RSRP1: variants seen among roughly 807,000 people sequenced by gnomAD.
The protein encoded by RSRP1 is arginine and serine rich protein 1, also known as arginine/serine-rich protein 1.
A neutral mutation model predicts 33.0 loss-of-function variants in RSRP1; 37 were observed. That is an observed-to-expected ratio of 1.12 (90% CI 0.86 to 1.48). RSRP1 has a LOEUF of 1.48. Among genes scored for constraint, RSRP1 ranks in the 40% most tolerant of loss-of-function variants. The pLI, the probability that RSRP1 is intolerant of heterozygous loss-of-function variation, is 0.00. For missense variants in RSRP1, 402 were observed against 385.3 expected (o/e 1.04, Z -0.36); for synonymous variants, 167 against 158.7 (o/e 1.05, Z -0.40).
rs1303737799 is a variant in RSRP1 at position 25,245,302 on chromosome 1, C to T, written c.521-1G>A. 5.0e-6 allele frequency: 8 copies of T among 1,591,096 alleles called. No individual in the cohort carries two copies. In the Admixed American group the frequency reaches 1.5e-4, roughly 29 times the overall value. On this transcript the variant is annotated splice_acceptor_variant, in intron 2 of 4. Coordinates refer to ENST00000243189, the MANE Select transcript of RSRP1 (RefSeq NM_020317.5). LOFTEE classifies it high-confidence loss of function. ...GCTATTTCTAACAGCTCCATTCGATCTAAAAAAAAAAGAGAGAGATTTTAA... is the reference window on the plus strand; with the variant it reads ...GCTATTTCTAACAGCTCCATTCGATTTAAAAAAAAAAGAGAGAGATTTTAA...
Position 25,297,069 on chromosome 1 carries a change from T to C in RSRP1, c.-67+40909A>G, listed in dbSNP as rs601198. Among the ~76,000 whole-genome samples, 14 of 129,470 alleles carry C rather than the reference T, an allele frequency of 1.1e-4. 1 individual carries two copies. The East Asian group carries it at 1.2e-3, about 11-fold the overall frequency. The allele number at this position is 129,470 out of a possible 152,430, so 84.9% of individuals were successfully genotyped here. Reference sequence around the variant, plus strand: ...ATAATATCTTTTCTAGAAAAAAATATATATTTTTTGTGGTCGAGGATTACA... The same window carrying C: ...ATAATATCTTTTCTAGAAAAAAATACATATTTTTTGTGGTCGAGGATTACA... On this transcript the variant is annotated intron_variant, in intron 1 of 1. Coordinates refer to the RSRP1 transcript ENST00000561867.
chr1:25,255,902 T>A (rs555796754), intron 1 of RSRP1, among the ~76,000 whole-genome samples: 1 of 152,084 alleles, frequency 6.6e-6, no homozygotes, highest in Non-Finnish European at 1.5e-5. Flanking sequence ...GGAGTGGCTG[T>A]GAATACAGAT....
chr1:25,272,642 C>T lies in RSRP1; in HGVS notation c.-66-25613G>A, dbSNP rs764093565. ...CTCATTCTCCTCTTCTATTTTTTTA[C>T]CCACTATGACGCTTCCTTAGAGGAT... On this transcript the variant is annotated intron_variant, in intron 1 of 1. Coordinates refer to the RSRP1 transcript ENST00000561867. 4 of 1,571,020 alleles carry T rather than the reference C, an allele frequency of 2.5e-6. No individual in the cohort carries two copies. The African/African-American group carries it at 4.1e-5, about 16-fold the overall frequency.
intron 1 of RSRP1, among the ~76,000 whole-genome samples, chr1:25,261,594 C>T (rs1449572021): frequency 4.0e-5 from 6 of 151,386 alleles, no homozygotes; most frequent in Non-Finnish European, 7.4e-5. Flanking sequence ...TTAGTAGAGA[C>T]GGGGTTTCAC....
rs1640822987 is a variant in RSRP1 at position 25,274,962 on chromosome 1, C to T, written c.-66-27933G>A. Among the ~76,000 whole-genome samples the T allele has an allele frequency of 1.5e-5, 2 of 131,312 alleles. 1 individual carries two copies. The highest frequency in any genetic ancestry group is 5.2e-5 in the African/African-American group (2 of 38,588). 86.1% of individuals were successfully genotyped at this position (131,312 alleles called of 152,430 possible). ...GACTTCATCTCAAAAAACCAAACAA[C>T]AAAAACAACAACAAGAACAACAAAA... On this transcript the variant is annotated intron_variant, in intron 1 of 1. Coordinates refer to the RSRP1 transcript ENST00000561867.
intron 1 of RSRP1, among the ~76,000 whole-genome samples, chr1:25,308,390 G>C (rs1433583060): frequency 8.6e-6 from 1 of 116,794 alleles, no homozygotes; most frequent in Non-Finnish European, 2.0e-5. Flanking sequence ...GGACCTATCA[G>C]TCCATGTTTG....
At chr1:25,258,449 A>T (rs1192921427) in intron 1 of RSRP1, among the ~76,000 whole-genome samples, 2 of 152,172 alleles carry the variant, frequency 1.3e-5, no homozygotes, top group Admixed American at 6.5e-5. Context: ...AAGTGCTAGG[A>T]TTACAGGTGT....
At position 25,242,512 on chromosome 1, in the gene RSRP1, G is replaced by A; in HGVS notation, c.*77C>T. 1.1e-6 allele frequency: 1 copy of A among 879,234 alleles called. No individual in the cohort carries two copies. Among genetic ancestry groups the A allele is most frequent in the Non-Finnish European group, 1.8e-6 (1 of 548,230 alleles). 54.5% of individuals were successfully genotyped at this position (879,234 alleles called of 1,614,324 possible). A position where few individuals can be genotyped will look rare whatever the true frequency, so the allele number is the denominator to read the frequency against. On this transcript the variant is annotated 3_prime_UTR_variant, in exon 5 of 5. Transcript: ENST00000243189. ...ACAAGTACCCCTGAATGGCTCAAAGGGATGGGATAATGCTAGAAACACTAA... is the reference window on the plus strand; with the variant it reads ...ACAAGTACCCCTGAATGGCTCAAAGAGATGGGATAATGCTAGAAACACTAA...
At chr1:25,260,257 A>G (rs1021463891) in intron 1 of RSRP1, among the ~76,000 whole-genome samples, 21 of 152,340 alleles carry the variant, frequency 1.4e-4, no homozygotes, top group African/African-American at 5.1e-4. Flanking sequence ...TTGTTTACAC[A>G]ATACTTGAAA....
At position 25,303,572 on chromosome 1, in the gene RSRP1, C is replaced by G. The variant is rs1571679217; in HGVS notation, c.-67+34406G>C. The G allele has an allele frequency of 2.7e-5, 30 of 1,096,062 alleles. 3 individuals carry two copies. In the East Asian group the frequency reaches 7.0e-4, roughly 26 times the overall value. The allele number at this position is 1,096,062 out of a possible 1,614,324, so 67.9% of individuals were successfully genotyped here. A position where few individuals can be genotyped will look rare whatever the true frequency, so the allele number is the denominator to read the frequency against. ...TGCATTAGGCAGGTGTCGGCGCATTCTCTTATTGGCTTCAACGCCTAGTGA... is the reference window on the plus strand; with the variant it reads ...TGCATTAGGCAGGTGTCGGCGCATTGTCTTATTGGCTTCAACGCCTAGTGA... On this transcript the variant is annotated intron_variant, in intron 1 of 1. Transcript: ENST00000561867.
chr1:25,303,717 A>G (rs1227980693), intron 1 of RSRP1, among the ~76,000 whole-genome samples: 2 of 131,356 alleles, frequency 1.5e-5, no homozygotes, highest in South Asian at 2.3e-4. Context: ...GGTGTCACAG[A>G]ACTCAAGGAC....
At position 25,245,189 on chromosome 1, in the gene RSRP1, G is replaced by A; in HGVS notation, c.633C>T (p.Ser211=). The change falls in exon 3 of 5, where the codon AGC becomes AGT. Residue 211 remains serine (S), a synonymous_variant. Coordinates refer to ENST00000243189, the MANE Select transcript of RSRP1 (RefSeq NM_020317.5). The part of the protein sequence containing the change: ...LRTVPSAKET[S]RGIGVSSNGA... ...CATTACTTGATACACCTATTCCACGGCTTGTTTCTTTGGCTGAAGGAACAG... is the reference window on the plus strand; with the variant it reads ...CATTACTTGATACACCTATTCCACGACTTGTTTCTTTGGCTGAAGGAACAG... The A allele has an allele frequency of 6.2e-7, 1 of 1,614,044 alleles. No homozygotes were observed. Among genetic ancestry groups the A allele is most frequent in the Admixed American group, 1.7e-5 (1 of 59,990 alleles).
intron 1 of RSRP1, chr1:25,290,775 T>A (rs1391749595): frequency 7.3e-7 from 1 of 1,376,730 alleles, no homozygotes; most frequent in East Asian, 2.2e-5. Flanking sequence ...AGGATGGTCA[T>A]CAGTAATATC....
In RSRP1 at chr1:25,291,161, TAGACAGAC is replaced by T. The variant is rs377224052; in HGVS notation, c.-66-44140_-66-44133del. On this transcript the variant is annotated intron_variant, in intron 1 of 1. Coordinates refer to the RSRP1 transcript ENST00000561867. ...GTAGGTGGATAGACAGATAGATAGATAGACAGACAGACAGACAGACAGACAGGCTGGGT... is the reference window on the plus strand; with the variant it reads ...GTAGGTGGATAGACAGATAGATAGATAGACAGACAGACAGACAGGCTGGGT... 8.9e-5 allele frequency among the ~76,000 whole-genome samples: 11 copies of T among 124,138 alleles called. 1 individual carries two copies. The South Asian group carries it at 2.4e-3, about 27-fold the overall frequency. The allele number at this position is 124,138 out of a possible 152,430, so 81.4% of individuals were successfully genotyped here.
In RSRP1 at chr1:25,246,674, C is replaced by G. The variant is rs774435928; in HGVS notation, c.290G>C (p.Arg97Pro). 5.6e-6 allele frequency: 9 copies of G among 1,611,216 alleles called. 1 individual carries two copies. Among genetic ancestry groups the G allele is most frequent in the South Asian group, 4.4e-5 (4 of 91,052 alleles). Reference protein sequence around the residue: ...RSRSRRYRERRYGFTRRYYRS... With the variant: ...RSRSRRYRERPYGFTRRYYRS... Reference sequence around the variant, plus strand: ...GTAGTATCTCCTGGTGAACCCGTAGCGCCTCTCTCGGTAACGGCGGCTGCG... The same window carrying G: ...GTAGTATCTCCTGGTGAACCCGTAGGGCCTCTCTCGGTAACGGCGGCTGCG... Residue 97 changes from arginine (R) to proline (P), a missense_variant, in exon 2 of 5, where the codon CGC (arginine) becomes CCC (proline). By Grantham distance (103) the Arg-to-Pro change is moderately radical. Coordinates refer to ENST00000243189, the MANE Select transcript of RSRP1 (RefSeq NM_020317.5).
At chr1:25,244,968 G>A (rs1049791069) in intron 3 of RSRP1, 182 bp downstream of exon 3, 1 of 1,468,440 alleles carries the variant, frequency 6.8e-7, no homozygotes, top group Non-Finnish European at 9.0e-7. Flanking sequence ...GCCAAATAAA[G>A]CTCATTAATC....
At chr1:25,275,659 T>C (rs1272185466) in intron 1 of RSRP1, among the ~76,000 whole-genome samples, 1 of 133,086 alleles carries the variant, frequency 7.5e-6, no homozygotes, top group Non-Finnish European at 1.8e-5. Flanking sequence ...ATTAGGAAAA[T>C]TGAAAGAGAT....
chr1:25,248,037 C>G (rs920187478), upstream of RSRP1: 2 of 152,490 alleles, frequency 1.3e-5, no homozygotes, highest in African/African-American at 4.8e-5. Context: ...CCCGCCATGA[C>G]AGAGAGGGGA....
At chr1:25,280,336 C>T (rs1419771903) in intron 1 of RSRP1, among the ~76,000 whole-genome samples, 1 of 121,750 alleles carries the variant, frequency 8.2e-6, no homozygotes, top group Admixed American at 8.0e-5. Context: ...GCTGCAGTCT[C>T]ACTCTGTCAT....
Sources: gnomAD v4.1 joint callset for allele counts (sites outside exome capture counted in the v4.1 genomes callset) on GRCh38, gnomAD v4.1.1 for gene constraint, MANE v1.5 for transcripts, NCBI Gene and HGNC (gene_info 2026-07-23, HGNC 2026-07-21) for gene names.